Variants in TNN observed in about 807,000 individuals in gnomAD.
TNN encodes the protein tenascin N, also known as tenascin-N.
A neutral mutation model predicts 134.4 loss-of-function variants in TNN; 122 were observed. The ratio of observed to expected loss-of-function variants is 0.91; its 90% CI spans 0.78 to 1.06. TNN has a LOEUF of 1.06. TNN is among the 50% of genes least tolerant of loss of function. The probability of loss-of-function intolerance (pLI) is 0.00; values close to 1 mark genes in which losing one functional copy is unlikely to be tolerated. For missense variants in TNN, 1,739 were observed against 1,699.4 expected, an observed-to-expected ratio of 1.02 and a Z score of -0.41; for synonymous variants, 710 against 670.3, an observed-to-expected ratio of 1.06 and a Z score of -0.91.
rs770894011 is a variant in TNN at position 175,079,583 on chromosome 1, C to A, written c.660C>A (p.His220Gln). Residue 220 changes from histidine to glutamine, a missense_variant, in exon 3 of 19, where the codon CAC becomes CAA. Physicochemically the swap from His to Gln is conservative, Grantham distance 24. Transcript: ENST00000239462. ...GECVRGVCQC[H>Q]EDFMSEDCSE... ...GCGTGCGCGGCGTGTGCCAGTGCCA[C>A]GAAGACTTCATGTCGGAGGACTGCA... 1.3e-6 allele frequency: 2 copies of A among 1,589,822 alleles called. No individual in the cohort carries two copies. The highest frequency in any genetic ancestry group is 3.5e-5 in the Admixed American group (2 of 56,806).
intron 6 of TNN, among the ~76,000 whole-genome samples, chr1:175,088,746 A>T (rs1674375080): frequency 6.6e-6 from 1 of 152,230 alleles, no homozygotes; most frequent in Non-Finnish European, 1.5e-5. Context: ...CATTTATTGC[A>T]GGATGTATCT....
In TNN at chr1:175,080,265, A is replaced by G. The variant is rs200163262; in HGVS notation, c.887A>G (p.Tyr296Cys). ...SQVDHYLLSY[Y>C]PLGKELSGKQ... ...GTGGATCACTACCTCCTCAGCTACT[A>G]CCCCCTGGGGAAGGAGCTCTCTGGG... Residue 296 changes from tyrosine (Y) to cysteine (C), a missense_variant, in exon 4 of 19, where the codon TAC becomes TGC. Tyr to Cys is a radical substitution (Grantham distance 194, BLOSUM62 -2). Transcript: ENST00000239462. The G allele has an allele frequency of 8.7e-6, 14 of 1,613,858 alleles. No homozygotes were observed. In the East Asian group the frequency reaches 2.9e-4, roughly 33 times the overall value.
chr1:175,118,203 G>A (rs1675236234), intron 10 of TNN, among the ~76,000 whole-genome samples: 1 of 152,176 alleles, frequency 6.6e-6, no homozygotes, highest in African/African-American at 2.4e-5. Context: ...AGTTCCTGGT[G>A]AGCAGAGACC....
At chr1:175,093,173 C>T (rs1359294214) in intron 6 of TNN, among the ~76,000 whole-genome samples, 2 of 152,248 alleles carry the variant, frequency 1.3e-5, no homozygotes, top group Non-Finnish European at 2.9e-5. Context: ...GGCCTCCCCT[C>T]CAGCCGCTTG....
chr1:175,099,245 C>A (rs1674655380), intron 9 of TNN, among the ~76,000 whole-genome samples: 1 of 152,184 alleles, frequency 6.6e-6, no homozygotes, highest in African/African-American at 2.4e-5. Flanking sequence ...GTACCTCAAG[C>A]ACTGCTCTTC....
rs527836586 is a variant in TNN, at chr1:175,104,325, G to A, written c.2119+5730G>A. Among the ~76,000 whole-genome samples the A allele has an allele frequency of 4.1e-5, 6 of 145,628 alleles. 1 individual carries two copies. The East Asian group carries it at 9.3e-4, about 22-fold the overall frequency. ...AGGGTGATGACATGAGCTGGTGCTT[G>A]CCCCGGGCACCCTCAGTCCTGTTGT... is the stretch of plus-strand genomic sequence containing the variant. On this transcript the variant is annotated intron_variant, in intron 9 of 18. Coordinates refer to ENST00000239462, the MANE Select transcript of TNN (RefSeq NM_022093.2).
chr1:175,069,638 A>G (rs1673875113), intron 1 of TNN, among the ~76,000 whole-genome samples: 1 of 152,194 alleles, frequency 6.6e-6, no homozygotes, highest in Non-Finnish European at 1.5e-5. Context: ...ATCTGGATAC[A>G]GACATGAGAT....
At chr1:175,095,430 T>C (rs776010046) in intron 7 of TNN, among the ~76,000 whole-genome samples, 3 of 152,226 alleles carry the variant, frequency 2.0e-5, no homozygotes, top group Admixed American at 6.5e-5. Context: ...TAAGACTTTA[T>C]TGATAAAGAT....
chr1:175,137,406 T>G (rs1477718356), intron 17 of TNN, among the ~76,000 whole-genome samples: 1 of 88,256 alleles, frequency 1.1e-5, no homozygotes, highest in Non-Finnish European at 2.7e-5. Context: ...ATTTGAGCTT[T>G]TGGTGGCACT....
At chr1:175,092,940 C>T (rs1674487194) in intron 6 of TNN, among the ~76,000 whole-genome samples, 1 of 152,226 alleles carries the variant, frequency 6.6e-6, no homozygotes, top group Non-Finnish European at 1.5e-5. Context: ...CACCATCTTG[C>T]ATATACACCA....
At chr1:175,074,782 C>T (rs1674000049) in intron 1 of TNN, among the ~76,000 whole-genome samples, 2 of 152,324 alleles carry the variant, frequency 1.3e-5, no homozygotes, top group Middle Eastern at 3.4e-3. Context: ...CCCTTGGGTA[C>T]AACATGTATA....
At chr1:175,074,904 C>T (rs1001381761) in intron 1 of TNN, among the ~76,000 whole-genome samples, 2 of 152,334 alleles carry the variant, frequency 1.3e-5, no homozygotes, top group East Asian at 1.9e-4. Context: ...GATGGGTCTG[C>T]GTTTGAATCC....
At chr1:175,136,717 A>G in intron 16 of TNN, 104 bp from the exon 17 acceptor site, 1 of 1,076,398 alleles carries the variant, frequency 9.3e-7, no homozygotes, top group South Asian at 1.6e-5. Flanking sequence ...GAGAAGGTAA[A>G]GACTAAAGTG....
chr1:175,098,848 C>G (rs1674643764), intron 9 of TNN, among the ~76,000 whole-genome samples: 1 of 152,092 alleles, frequency 6.6e-6, no homozygotes. Flanking sequence ...GCCTGAGTAC[C>G]TTTGTCATTA....
At chr1:175,114,846 G>C (rs1290374482) in intron 9 of TNN, among the ~76,000 whole-genome samples, 1 of 152,090 alleles carries the variant, frequency 6.6e-6, no homozygotes, top group African/African-American at 2.4e-5. Flanking sequence ...GATCCCTAGG[G>C]GTGAGGAATT....
At chr1:175,142,744 A>G (rs905693496) in intron 17 of TNN, among the ~76,000 whole-genome samples, 1 of 152,006 alleles carries the variant, frequency 6.6e-6, no homozygotes. Context: ...CAGCCTCCAG[A>G]GTAGCTGGGA....
intron 1 of TNN, among the ~76,000 whole-genome samples, chr1:175,076,850 T>C (rs1674052675): frequency 6.6e-6 from 1 of 152,176 alleles, no homozygotes; most frequent in African/African-American, 2.4e-5. Flanking sequence ...TTTAAAGTAG[T>C]AGTGCTTCAG....
chr1:175,140,770 C>T (rs1198856679), intron 17 of TNN, among the ~76,000 whole-genome samples: 1 of 152,186 alleles, frequency 6.6e-6, no homozygotes, highest in African/African-American at 2.4e-5. Flanking sequence ...CCCATGTGTA[C>T]TATCATTCCC....
intron 11 of TNN, among the ~76,000 whole-genome samples, 197 bp downstream of exon 11, chr1:175,119,021 A>G (rs1675270700): frequency 6.6e-6 from 1 of 152,262 alleles, no homozygotes. Context: ...CACCCAAAGA[A>G]AGAACAACGT....
Sources: allele counts gnomAD v4.1 joint callset (sites outside exome capture counted in the v4.1 genomes callset), GRCh38; gene constraint gnomAD v4.1.1; transcripts MANE v1.5; gene names NCBI Gene and HGNC (gene_info 2026-07-23, HGNC 2026-07-21).